The following SCYL1 variants were observed in gnomAD, a reference collection of about 807,000 sequenced individuals.
SCYL1 encodes the protein SCY1 like pseudokinase 1.
A neutral mutation model predicts 94.8 loss-of-function variants in SCYL1; 85 were observed. The ratio of observed to expected loss-of-function variants is 0.90; its 90% CI spans 0.75 to 1.07. The LOEUF (loss-of-function observed/expected upper bound fraction) is 1.07. Among genes scored for constraint, SCYL1 ranks in the 50% least tolerant of loss-of-function variants. The pLI, the probability that SCYL1 is intolerant of heterozygous loss-of-function variation, is 0.00. For synonymous variants in SCYL1, 459 were observed against 435.5 expected (o/e 1.05, Z -0.67); for missense variants, 968 against 1,083.3 (o/e 0.89, Z 1.49).
chr11:65,538,365 CG>C, intron 17 of SCYL1, 41 bp downstream of exon 17: 1 of 1,539,120 alleles, frequency 6.5e-7, no homozygotes, highest in Non-Finnish European at 8.8e-7. Flanking sequence ...TAGGGCTCCC[CG>C]ACTAGCCCGC....
At position 65,538,466 on chromosome 11, in the gene SCYL1, G is replaced by C; in HGVS notation, c.2327G>C (p.Arg776Pro). ...DSRQVKAELA[R>P]KKREERRREM... ...GGACAGGTCAAGGCTGAGCTGGCCC[G>C]GAAGAAGCGCGAGGAGCGGCGGCGG... The change falls in exon 18 of 18, where the codon CGG becomes CCG. Residue 776 changes from arginine (R) to proline (P), a missense_variant. Around this residue, in one of 2 missense-constraint regions of SCYL1, gnomAD observed 474 missense variants for 463.6 expected, o/e 1.02. Transcript: ENST00000270176. 1.9e-6 allele frequency: 3 copies of C among 1,575,466 alleles called. No individual in the cohort carries two copies. The highest frequency in any genetic ancestry group is 4.7e-5 in the East Asian group (2 of 42,562).
chr11:65,536,389 CTGTT>C lies in SCYL1; in HGVS notation c.1651+59_1651+62del, dbSNP rs1367469424. On this transcript the variant is annotated intron_variant, in intron 12 of 17. Transcript: ENST00000270176. ...TCCCTGCCATGTCCTTGACTGTGACCTGTTTGTGTCCCACCCCCACTGGAGTTTC... is the reference window on the plus strand; with the variant it reads ...TCCCTGCCATGTCCTTGACTGTGACCTGTGTCCCACCCCCACTGGAGTTTC... 5 of 1,573,294 alleles carry C rather than the reference CTGTT, an allele frequency of 3.2e-6. No individual in the cohort carries two copies. In the African/African-American group the frequency reaches 6.8e-5, roughly 21 times the overall value.
chr11:65,529,929 C>T (rs1855283930), intron 6 of SCYL1, among the ~76,000 whole-genome samples: 1 of 152,144 alleles, frequency 6.6e-6, no homozygotes, highest in Non-Finnish European at 1.5e-5. Context: ...TAGCACCTAC[C>T]TGGTAAAGTT....
At chr11:65,533,075 C>T (rs1855469430) in intron 9 of SCYL1, 1 of 424,676 alleles carries the variant, frequency 2.4e-6, no homozygotes, top group African/African-American at 2.0e-5. Flanking sequence ...CATGGAGCTT[C>T]CTTTCCAGGG....
rs1855842807 is a variant in SCYL1, at chr11:65,538,482, G to A, written c.2343G>A (p.Glu781=). The change falls in exon 18 of 18, where the codon GAG becomes GAA. Residue 781 remains glutamate, a synonymous_variant. Coordinates refer to ENST00000270176, the MANE Select transcript of SCYL1 (RefSeq NM_020680.4). ...KAELARKKRE[E]RRREMEAKRA... ...AGCTGGCCCGGAAGAAGCGCGAGGA[G>A]CGGCGGCGGGAGATGGAGGCCAAAC... 5 of 1,590,540 alleles carry A rather than the reference G, an allele frequency of 3.1e-6. No homozygotes were observed. Among genetic ancestry groups the A allele is most frequent in the Middle Eastern group, 1.7e-4 (1 of 6,052 alleles).
Sources: gnomAD v4.1 joint callset for allele counts (sites outside exome capture counted in the v4.1 genomes callset) on GRCh38, gnomAD v4.1.1 for gene constraint, gnomAD v4.1.1 regional missense constraint, MANE v1.5 for transcripts, NCBI Gene and HGNC (gene_info 2026-07-23, HGNC 2026-07-21) for gene names.